The following AP3S1 variants were observed in gnomAD, a reference collection of about 807,000 sequenced individuals.
AP3S1 encodes the protein adaptor related protein complex 3 subunit sigma 1, also known as AP-3 complex subunit sigma-1.
Under a neutral mutation model 21.3 loss-of-function variants are expected in AP3S1, and 12 were observed. The observed-to-expected ratio is 0.56, with a 90% CI of 0.36 to 0.91. The LOEUF is 0.91. Among genes scored for constraint, AP3S1 ranks in the 40% least tolerant of loss-of-function variants. The probability of loss-of-function intolerance (pLI) is 0.01; values close to 1 mark genes in which losing one functional copy is unlikely to be tolerated. For synonymous variants in AP3S1, 48 were observed against 78.4 expected (o/e 0.61, Z 2.05); for missense variants, 116 against 225.0 (o/e 0.52, Z 3.10).
At chr5:115,870,715 T>C (rs1748161437) in intron 3 of AP3S1, among the ~76,000 whole-genome samples, 1 of 152,214 alleles carries the variant, frequency 6.6e-6, no homozygotes, top group Non-Finnish European at 1.5e-5. Flanking sequence ...GTTATCAGAC[T>C]ATACCACCTT....
At chr5:115,855,033 A>ATCT (rs1237643054) in intron 1 of AP3S1, among the ~76,000 whole-genome samples, 5 of 148,590 alleles carry the variant, frequency 3.4e-5, no homozygotes, top group Non-Finnish European at 5.9e-5. Flanking sequence ...CTATCTATCT[A>ATCT]TCTATCTATC....
intron 5 of AP3S1, chr5:115,908,976 T>C (rs1290412645): frequency 1.0e-6 from 1 of 984,678 alleles, no homozygotes; most frequent in Non-Finnish European, 1.2e-6. Flanking sequence ...CACTTTGCTG[T>C]TAGGTCAAAA....
At chr5:115,866,279 A>C (rs967290316) in intron 1 of AP3S1, among the ~76,000 whole-genome samples, 1 of 152,188 alleles carries the variant, frequency 6.6e-6, no homozygotes, top group African/African-American at 2.4e-5. Context: ...TCTTTCCTCC[A>C]TTCAAATATA....
intron 3 of AP3S1, among the ~76,000 whole-genome samples, chr5:115,887,331 A>G (rs571994747): frequency 2.2e-4 from 33 of 150,372 alleles, no homozygotes; most frequent in African/African-American, 6.9e-4. Context: ...TGCACTAAAG[A>G]CTTTTCGTAT....
chr5:115,882,619 G>A (rs1749401725), intron 3 of AP3S1, among the ~76,000 whole-genome samples: 1 of 152,184 alleles, frequency 6.6e-6, no homozygotes, highest in South Asian at 2.1e-4. Flanking sequence ...GAGCTCTCCT[G>A]TATGAGATGT....
intron 5 of AP3S1, among the ~76,000 whole-genome samples, chr5:115,910,646 A>G (rs1273773070): frequency 2.0e-5 from 3 of 152,150 alleles, no homozygotes; most frequent in Non-Finnish European, 4.4e-5. Context: ...AATGTCTGAA[A>G]ATGAAATTTG....
chr5:115,881,781 T>C (rs961019622), intron 3 of AP3S1, among the ~76,000 whole-genome samples: 6 of 152,172 alleles, frequency 3.9e-5, no homozygotes, highest in Non-Finnish European at 7.4e-5. Context: ...CTGGATAATA[T>C]CCTGAAGGGT....
chr5:115,842,862 CT>C (rs1761731536), intron 1 of AP3S1, among the ~76,000 whole-genome samples: 1 of 152,212 alleles, frequency 6.6e-6, no homozygotes, highest in Admixed American at 6.5e-5. Context: ...CTGATTGGAG[CT>C]GTGGTTCTAT....
Position 115,844,596 on chromosome 5 carries a change from G to A in AP3S1, c.69+2490G>A, listed in dbSNP as rs550904247. On this transcript the variant is annotated intron_variant, in intron 1 of 5. Transcript: ENST00000316788. ...CCCCAGGAACTTGTACATAGCAGGA[G>A]CAGACTGTGTAAGGGAACATTAGTT... Among the ~76,000 whole-genome samples the A allele has an allele frequency of 4.6e-5, 7 of 152,310 alleles. No homozygotes were observed. The East Asian group carries it at 1.3e-3, about 29-fold the overall frequency.
rs556826608 is a variant in AP3S1 at position 115,853,305 on chromosome 5, T to G, written c.69+11199T>G. ...GAAATATATATTCAAATCCTTTGCCTGTTTTTAAGTTGTCTTTTTATTATT... is the reference window on the plus strand; with the variant it reads ...GAAATATATATTCAAATCCTTTGCCGGTTTTTAAGTTGTCTTTTTATTATT... On this transcript the variant is annotated intron_variant, in intron 1 of 5. Transcript: ENST00000316788. Among the ~76,000 whole-genome samples, 6 of 152,324 alleles carry G rather than the reference T, an allele frequency of 3.9e-5. No individual in the cohort carries two copies. In the South Asian group the frequency reaches 1.2e-3, roughly 32 times the overall value.
chr5:115,908,634 G>T (rs995579229), intron 5 of AP3S1, among the ~76,000 whole-genome samples: 1 of 151,986 alleles, frequency 6.6e-6, no homozygotes, highest in African/African-American at 2.4e-5. Context: ...AAGATAATCC[G>T]TACAAAATGA....
In AP3S1 at chr5:115,857,395, A is replaced by G. The variant is rs563371968; in HGVS notation, c.70-9275A>G. 2.0e-5 allele frequency among the ~76,000 whole-genome samples: 3 copies of G among 152,336 alleles called. No homozygotes were observed. The South Asian group carries it at 6.2e-4, about 32-fold the overall frequency. ...TGAGGTAGATATTGTTGCATTCTCC[A>G]TGCTACAAATGAGGAAAACTCAGGC... On this transcript the variant is annotated intron_variant, in intron 1 of 5. Transcript: ENST00000316788.
At chr5:115,844,861 A>G (rs577085630) in intron 1 of AP3S1, among the ~76,000 whole-genome samples, 14 of 152,282 alleles carry the variant, frequency 9.2e-5, no homozygotes, top group Admixed American at 9.2e-4. Flanking sequence ...CAGCCATCCT[A>G]TAGAATACTT....
At chr5:115,853,887 C>T (rs1762617208) in intron 1 of AP3S1, among the ~76,000 whole-genome samples, 1 of 152,106 alleles carries the variant, frequency 6.6e-6, no homozygotes, top group African/African-American at 2.4e-5. Flanking sequence ...GAGTGTTTGC[C>T]ATTGAAATTG....
chr5:115,904,751 A>G (rs1169674977), intron 5 of AP3S1, among the ~76,000 whole-genome samples: 1 of 152,196 alleles, frequency 6.6e-6, no homozygotes, highest in African/African-American at 2.4e-5. Flanking sequence ...ACCCTGAGCT[A>G]TTGCTTTTAA....
intron 1 of AP3S1, among the ~76,000 whole-genome samples, chr5:115,863,450 G>A (rs765951618): frequency 3.9e-5 from 6 of 152,008 alleles, no homozygotes; most frequent in Non-Finnish European, 7.4e-5. Context: ...GCGGGAACCT[G>A]TAATCCCAGC....
At position 115,907,522 on chromosome 5, in the gene AP3S1, T is replaced by C. The variant is rs187933303; in HGVS notation, c.453+4530T>C. Among the ~76,000 whole-genome samples, 4 of 152,244 alleles carry C rather than the reference T, an allele frequency of 2.6e-5. No homozygotes were observed. In the East Asian group the frequency reaches 7.7e-4, roughly 29 times the overall value. ...AATAAGATCAGAAATCTTATAAAAC[T>C]TGACTGTATTTCAAACTAGAATGCT... On this transcript the variant is annotated intron_variant, in intron 5 of 5. Coordinates refer to ENST00000316788, the MANE Select transcript of AP3S1 (RefSeq NM_001284.4).
chr5:115,893,504 G>C (rs889729296), intron 3 of AP3S1, among the ~76,000 whole-genome samples: 1 of 152,180 alleles, frequency 6.6e-6, no homozygotes, highest in Non-Finnish European at 1.5e-5. Context: ...TAGATTTGGG[G>C]AAGTCAAAGT....
At chr5:115,878,162 C>G (rs958626885) in intron 3 of AP3S1, among the ~76,000 whole-genome samples, 1 of 152,192 alleles carries the variant, frequency 6.6e-6, no homozygotes, top group Non-Finnish European at 1.5e-5. Context: ...CCTGTTCACT[C>G]TGATGATAGT....
Sources: gnomAD v4.1 joint callset for allele counts (sites outside exome capture counted in the v4.1 genomes callset) on GRCh38, gnomAD v4.1.1 for gene constraint, MANE v1.5 for transcripts, NCBI Gene and HGNC (gene_info 2026-07-23, HGNC 2026-07-21) for gene names.